PTPRD: variants seen among roughly 807,000 people sequenced by gnomAD.
PTPRD encodes receptor-type tyrosine-protein phosphatase delta.
A neutral mutation model predicts 214.5 loss-of-function variants in PTPRD; 34 were observed. The ratio of observed to expected loss-of-function variants is 0.16; its 90% confidence interval spans 0.12 to 0.21. PTPRD has a LOEUF of 0.21. Among genes scored for constraint, PTPRD ranks in the 10% least tolerant of loss-of-function variants. The pLI is 1.00. For missense variants in PTPRD, 2,545 were observed against 2,398.7 expected, an observed-to-expected ratio of 1.06 and a Z score of -1.27; for synonymous variants, 1,128 against 845.7, an observed-to-expected ratio of 1.33 and a Z score of -5.79.
chr9:9,931,327 A>C (rs549250731), intron 5 of PTPRD, among the ~76,000 whole-genome samples: 189 of 152,314 alleles, frequency 1.2e-3, no homozygotes, highest in African/African-American at 4.1e-3. Flanking sequence ...GGTTCATCTC[A>C]CTAGGGAGTG....
intron 2 of PTPRD, among the ~76,000 whole-genome samples, chr9:10,490,630 C>T (rs752886542): frequency 1.7e-4 from 26 of 152,092 alleles, no homozygotes; most frequent in Non-Finnish European, 3.2e-4. Flanking sequence ...TCTCAATTTG[C>T]TTTTCAATTT....
chr9:8,436,695 G>T lies in PTPRD; in HGVS notation c.3989-6C>A. On this transcript the variant is annotated splice_polypyrimidine_tract_variant and splice_region_variant and intron_variant, in intron 34 of 45. Transcript: ENST00000381196. Reference sequence around the variant, plus strand: ...TGGAGGATGGCTAGCCATACCTATTGAAAAAAGCAAAGAAGAAACACATTT... The same window carrying T: ...TGGAGGATGGCTAGCCATACCTATTTAAAAAAGCAAAGAAGAAACACATTT... The T allele has an allele frequency of 3.1e-6, 5 of 1,597,546 alleles. No homozygotes were observed. Among genetic ancestry groups the T allele is most frequent in the Non-Finnish European group, 4.3e-6 (5 of 1,167,784 alleles).
intron 8 of PTPRD, among the ~76,000 whole-genome samples, chr9:9,524,094 T>C (rs1046213272): frequency 6.6e-6 from 1 of 152,122 alleles, no homozygotes; most frequent in African/African-American, 2.4e-5. Context: ...GAAGGTGTAC[T>C]GTATGTTACC....
intron 7 of PTPRD, among the ~76,000 whole-genome samples, chr9:9,710,378 A>G (rs953408081): frequency 6.6e-6 from 1 of 152,144 alleles, no homozygotes; most frequent in African/African-American, 2.4e-5. Flanking sequence ...ACAATGGGAA[A>G]GGTGATTAAG....
chr9:9,672,928 T>C (rs1419659281), intron 7 of PTPRD, among the ~76,000 whole-genome samples: 4 of 152,074 alleles, frequency 2.6e-5, no homozygotes, highest in Non-Finnish European at 4.4e-5. Flanking sequence ...CTGACATTGG[T>C]ATTTGACTCT....
At chr9:10,393,763 A>T (rs1330849588) in intron 2 of PTPRD, among the ~76,000 whole-genome samples, 1 of 148,058 alleles carries the variant, frequency 6.8e-6, no homozygotes, top group African/African-American at 2.5e-5. Context: ...AATAAATCTT[A>T]TCTAATCAAG....
intron 44 of PTPRD, among the ~76,000 whole-genome samples, chr9:8,329,490 G>T (rs1310024093): frequency 6.6e-6 from 1 of 152,088 alleles, no homozygotes; most frequent in Non-Finnish European, 1.5e-5. Context: ...GATACATGGG[G>T]GTCAGGGACC....
At chr9:8,365,488 G>C (rs1406156619) in intron 39 of PTPRD, among the ~76,000 whole-genome samples, 1 of 152,092 alleles carries the variant, frequency 6.6e-6, no homozygotes, top group Non-Finnish European at 1.5e-5. Context: ...TTTGGGGTCA[G>C]CTTAGGGGGC....
At chr9:8,683,683 T>G (rs2097600535) in intron 12 of PTPRD, among the ~76,000 whole-genome samples, 1 of 152,178 alleles carries the variant, frequency 6.6e-6, no homozygotes. Flanking sequence ...TTCCCTCCAT[T>G]TGAATCTGGG....
At chr9:8,807,174 T>C (rs544048774) in intron 11 of PTPRD, among the ~76,000 whole-genome samples, 1 of 151,980 alleles carries the variant, frequency 6.6e-6, no homozygotes, top group East Asian at 2.0e-4. Flanking sequence ...CCGTTTCTAA[T>C]AAAATACAAA....
At chr9:9,650,216 T>C (rs965072065) in intron 7 of PTPRD, among the ~76,000 whole-genome samples, 11 of 152,166 alleles carry the variant, frequency 7.2e-5, no homozygotes, top group Admixed American at 5.2e-4. Flanking sequence ...TGTGCCTTGC[T>C]TCCCCATTGC....
At chr9:8,813,411 C>A (rs978695369) in intron 11 of PTPRD, among the ~76,000 whole-genome samples, 2 of 152,158 alleles carry the variant, frequency 1.3e-5, no homozygotes, top group South Asian at 2.1e-4. Context: ...CATGCTATTC[C>A]TTTTCCTTCT....
chr9:8,930,522 C>T (rs900652234), intron 11 of PTPRD, among the ~76,000 whole-genome samples: 26 of 152,124 alleles, frequency 1.7e-4, no homozygotes, highest in African/African-American at 5.5e-4. Context: ...TTCTAGATCC[C>T]GGAGGAATCG....
At chr9:9,128,491 G>A (rs1290369660) in intron 10 of PTPRD, among the ~76,000 whole-genome samples, 2 of 152,056 alleles carry the variant, frequency 1.3e-5, no homozygotes, top group Non-Finnish European at 2.9e-5. Context: ...TAACATCATG[G>A]CCCATTATCT....
intron 8 of PTPRD, among the ~76,000 whole-genome samples, chr9:9,403,655 ATGAG>A (rs1569568030): frequency 6.6e-6 from 1 of 152,138 alleles, no homozygotes; most frequent in African/African-American, 2.4e-5. Context: ...GTGGGATAAA[ATGAG>A]TAAGATAATT....
chr9:8,602,705 T>C (rs1049696954), intron 14 of PTPRD, among the ~76,000 whole-genome samples: 2 of 152,200 alleles, frequency 1.3e-5, no homozygotes, highest in Non-Finnish European at 2.9e-5. Flanking sequence ...CCTGCATCAA[T>C]ATTTTTCCAG....
chr9:9,883,195 T>G (rs1195043602), intron 5 of PTPRD, among the ~76,000 whole-genome samples: 2 of 152,114 alleles, frequency 1.3e-5, no homozygotes, highest in African/African-American at 4.8e-5. Context: ...CTTATACTTT[T>G]AAAAGATAAT....
intron 11 of PTPRD, among the ~76,000 whole-genome samples, chr9:8,940,592 C>T (rs946748478): frequency 3.3e-5 from 5 of 151,752 alleles, no homozygotes; most frequent in Admixed American, 6.6e-5. Flanking sequence ...CCGCACCCAG[C>T]CTGCACATCT....
rs1566622187 is a variant in PTPRD at position 10,509,581 on chromosome 9, T to TATATATATATATATA, written c.-600+102816_-600+102817insTATATATATATATAT. On this transcript the variant is annotated intron_variant, in intron 2 of 45. Transcript: ENST00000381196. Reference sequence around the variant, plus strand: ...ATTATATATATATATATATATATATTTTACTCACTTACTTACTTTCTGGCA... The same window carrying TATATATATATATATA: ...ATTATATATATATATATATATATATTATATATATATATATATTACTCACTTACTTACTTTCTGGCA... Among the ~76,000 whole-genome samples, 167 of 58,938 alleles carry TATATATATATATATA rather than the reference T, an allele frequency of 2.8e-3. 4 individuals carry two copies. The highest frequency in any genetic ancestry group is 0.011 in the African/African-American group (146 of 13,346). The allele number at this position is 58,938 out of a possible 152,430, so 38.7% of individuals were successfully genotyped here. A position where few individuals can be genotyped will look rare whatever the true frequency, so the allele number is the denominator to read the frequency against.
Sources: gnomAD v4.1 joint callset for allele counts (sites outside exome capture counted in the v4.1 genomes callset) on GRCh38, gnomAD v4.1.1 for gene constraint, MANE v1.5 for transcripts, NCBI Gene and HGNC (gene_info 2026-07-23, HGNC 2026-07-21) for gene names.